The following MIA2 variants were observed in gnomAD, a reference collection of about 807,000 sequenced individuals.
MIA2 encodes melanoma inhibitory activity protein 2.
A neutral mutation model predicts 167.8 loss-of-function variants in MIA2; 127 were observed. The ratio of observed to expected loss-of-function variants is 0.76; its 90% CI spans 0.66 to 0.88. The LOEUF is 0.88. MIA2 is among the 40% of genes least tolerant of loss of function. The pLI, the probability that MIA2 is intolerant of heterozygous loss-of-function variation, is 0.00. For synonymous variants in MIA2, 552 were observed against 541.9 expected (o/e 1.02, Z -0.26); for missense variants, 1,690 against 1,624.7 (o/e 1.04, Z -0.69).
chr14:39,284,895 C>T (rs149758310), intron 9 of MIA2, among the ~76,000 whole-genome samples: 29,607 of 151,526 alleles, frequency 0.2, 2,707 homozygotes, highest in Middle Eastern at 0.28. Context: ...GAGGACCCTG[C>T]GGTCTTCCGC....
At chr14:39,304,402 CT>C in intron 17 of MIA2, 21 bp downstream of exon 17, 1 of 1,316,894 alleles carries the variant, frequency 7.6e-7, no homozygotes, top group Admixed American at 2.4e-5. Flanking sequence ...GACATACATA[CT>C]TTTAATGTTT....
At chr14:39,297,106 T>G (rs112544551) in intron 13 of MIA2, among the ~76,000 whole-genome samples, 19 of 150,112 alleles carry the variant, frequency 1.3e-4, no homozygotes, top group African/African-American at 3.7e-4. Flanking sequence ...GGATATATAT[T>G]TTTTTTGTGA....
chr14:39,301,402 C>G (rs1245845554), intron 14 of MIA2, among the ~76,000 whole-genome samples: 1 of 152,114 alleles, frequency 6.6e-6, no homozygotes, highest in Non-Finnish European at 1.5e-5. Context: ...TAAACTTCCT[C>G]TACTAAAGGC....
At chr14:39,379,988 A>G (rs1238585966) in intron 23 of MIA2, among the ~76,000 whole-genome samples, 1 of 152,234 alleles carries the variant, frequency 6.6e-6, no homozygotes, top group Non-Finnish European at 1.5e-5. Context: ...TGGGGAGTAC[A>G]TTTAGACAAC....
chr14:39,368,155 A>G (rs1401875300), intron 23 of MIA2, among the ~76,000 whole-genome samples: 3 of 152,168 alleles, frequency 2.0e-5, no homozygotes, highest in Non-Finnish European at 4.4e-5. Context: ...GAATTAGACA[A>G]TGAAGAGATT....
At chr14:39,353,875 C>T (rs1422675962), downstream of MIA2, among the ~76,000 whole-genome samples, 1 of 152,166 alleles carries the variant, frequency 6.6e-6, no homozygotes, top group Non-Finnish European at 1.5e-5. Flanking sequence ...TCATCCATGT[C>T]CCTACAAAGG....
chr14:39,244,849 T>G (rs2054217823), intron 3 of MIA2, among the ~76,000 whole-genome samples: 1 of 151,922 alleles, frequency 6.6e-6, no homozygotes, highest in South Asian at 2.1e-4. Context: ...GCAATTATAG[T>G]CCACGGGAGC....
Position 39,247,363 on chromosome 14 carries a change from C to T in MIA2, c.789C>T (p.Asp263=), listed in dbSNP as rs1594660227. Residue 263 remains aspartate, a synonymous_variant, in exon 4 of 29, where the codon GAC becomes GAT. Coordinates refer to ENST00000640607, the MANE Select transcript of MIA2 (RefSeq NM_001329214.4). ...AAATAGCAGTGGAAGATGAGAATGA[C>T]CTAGAGGAATTAAATAATGGTGAGC... ...SRKIAVEDEN[D]LEELNNGEPQ... The T allele has an allele frequency of 5.6e-6, 9 of 1,614,000 alleles. No homozygotes were observed. In the East Asian group the frequency reaches 2.0e-4, roughly 36 times the overall value.
At chr14:39,254,899 T>C (rs1375040737) in intron 6 of MIA2, among the ~76,000 whole-genome samples, 1 of 152,074 alleles carries the variant, frequency 6.6e-6, no homozygotes, top group East Asian at 1.9e-4. Context: ...GACAGAATCG[T>C]TGGATTTAAT....
At chr14:39,302,308 T>G in intron 15 of MIA2, 59 bp downstream of exon 15, 1 of 1,584,334 alleles carries the variant, frequency 6.3e-7, no homozygotes, top group South Asian at 1.1e-5. Flanking sequence ...TCTATTTCCT[T>G]TTCGTTCCCT....
At chr14:39,346,676 TAATA>T (rs1290366746) in intron 26 of MIA2, among the ~76,000 whole-genome samples, 15 of 148,404 alleles carry the variant, frequency 1.0e-4, no homozygotes, top group African/African-American at 2.2e-4. Context: ...TAAATATATA[TAATA>T]AATAATGTTA....
chr14:39,384,165 G>A (rs1053930861), intron 23 of MIA2, among the ~76,000 whole-genome samples: 3 of 152,118 alleles, frequency 2.0e-5, no homozygotes, highest in African/African-American at 7.2e-5. Flanking sequence ...AGAGGTTAAT[G>A]CAACTGGTCA....
rs1433238129 is a variant in MIA2 at position 39,251,022 on chromosome 14, C to CTTTATAT, written c.1568-1726_1568-1725insTTTATAT. Among the ~76,000 whole-genome samples, 10 of 151,942 alleles carry CTTTATAT rather than the reference C, an allele frequency of 6.6e-5. No homozygotes were observed. In the South Asian group the frequency reaches 1.0e-3, roughly 16 times the overall value. ...AGAGAGATTTCTATAAAGCCACAGGCCCTATATTCTGGATATTAGAGAAAG... is the reference window on the plus strand; with the variant it reads ...AGAGAGATTTCTATAAAGCCACAGGCTTTATATCCTATATTCTGGATATTAGAGAAAG... On this transcript the variant is annotated intron_variant, in intron 4 of 28. Coordinates refer to ENST00000640607, the MANE Select transcript of MIA2 (RefSeq NM_001329214.4).
rs1804860 is a variant in MIA2 at position 39,348,878 on chromosome 14, C to T, written c.3973C>T (p.Pro1325Ser). The change falls in exon 28 of 29, where the codon CCT becomes TCT. Residue 1325 changes from proline (P) to serine (S), a missense_variant. Transcript: ENST00000640607. The part of the protein sequence containing the change: ...DARGPFLRRG[P>S]PFPPPPPGAM... The stretch of plus-strand genomic sequence containing the variant: ...AAGAGGCCCATTCTTGAGAAGAGGA[C>T]CTCCTTTCCCCCCACCTCCTCCAGG... 4 of 1,614,152 alleles carry T rather than the reference C, an allele frequency of 2.5e-6. No homozygotes were observed. The highest frequency in any genetic ancestry group is 2.5e-6 in the Non-Finnish European group (3 of 1,180,020).
At chr14:39,382,960 T>TTG (rs1297164519) in intron 23 of MIA2, among the ~76,000 whole-genome samples, 2 of 148,774 alleles carry the variant, frequency 1.3e-5, no homozygotes, top group Non-Finnish European at 3.0e-5. Context: ...ACAGTTTTTT[T>TTG]TTTTTTTTTT....
chr14:39,346,551 C>G (rs980996197), intron 26 of MIA2, among the ~76,000 whole-genome samples: 1 of 151,868 alleles, frequency 6.6e-6, no homozygotes, highest in Admixed American at 6.6e-5. Context: ...TAGATGTATG[C>G]AGTGTATCAA....
chr14:39,235,276 C>T (rs2053682032), intron 1 of MIA2, among the ~76,000 whole-genome samples: 1 of 152,020 alleles, frequency 6.6e-6, no homozygotes, highest in Non-Finnish European at 1.5e-5. Context: ...CCTGCCTCAG[C>T]CTCCCAAAGT....
At chr14:39,287,758 T>C (rs1031427587) in intron 9 of MIA2, among the ~76,000 whole-genome samples, 1 of 152,034 alleles carries the variant, frequency 6.6e-6, no homozygotes, top group African/African-American at 2.4e-5. Flanking sequence ...AGACGGGGTT[T>C]CACCATGTTG....
intron 6 of MIA2, among the ~76,000 whole-genome samples, chr14:39,264,936 T>C (rs898780616): frequency 2.6e-5 from 4 of 152,292 alleles, no homozygotes; most frequent in African/African-American, 4.8e-5. Flanking sequence ...AAACAGGTAC[T>C]ATATAAGACC....
Sources: allele counts gnomAD v4.1 joint callset (sites outside exome capture counted in the v4.1 genomes callset), GRCh38; gene constraint gnomAD v4.1.1; transcripts MANE v1.5; gene names NCBI Gene and HGNC (gene_info 2026-07-23, HGNC 2026-07-21).